The following ZNF503 variants were observed in gnomAD, a reference collection of about 807,000 sequenced individuals.
The protein encoded by ZNF503 is NocA-like zinc finger 2.
Under a neutral mutation model 34.4 loss-of-function variants are expected in ZNF503, and 15 were observed. The ratio of observed to expected loss-of-function variants is 0.44; its 90% CI spans 0.29 to 0.67. The LOEUF is 0.67. ZNF503 is among the 30% of genes least tolerant of loss of function. The probability of loss-of-function intolerance (pLI) is 0.13; values close to 1 mark genes in which losing one functional copy is unlikely to be tolerated. For missense variants in ZNF503, 1,007 were observed against 926.8 expected, an observed-to-expected ratio of 1.09 and a Z score of -1.12; for synonymous variants, 580 against 456.8, an observed-to-expected ratio of 1.27 and a Z score of -3.44.
the ZNF503 span, among the ~76,000 whole-genome samples, chr10:75,363,908 CA>C: frequency 6.6e-6 from 1 of 152,220 alleles, no homozygotes; most frequent in East Asian, 1.9e-4. Flanking sequence ...TTTCAGAAAC[CA>C]CCATTCATGC....
chr10:75,392,937 A>T (rs58283591), downstream of ZNF503, among the ~76,000 whole-genome samples: 6,065 of 152,284 alleles, frequency 0.04, 380 homozygotes, highest in African/African-American at 0.14. Flanking sequence ...CATAGATGAG[A>T]AAACTGAGGT....
At chr10:75,300,148 A>G in the ZNF503 span, among the ~76,000 whole-genome samples, 37,767 of 152,174 alleles carry the variant, frequency 0.25, 5,671 homozygotes, top group African/African-American at 0.42. Context: ...CCTCAGGGGC[A>G]CATTCTCTTT....
At chr10:75,287,917 G>A in the ZNF503 span, among the ~76,000 whole-genome samples, 52 of 152,334 alleles carry the variant, frequency 3.4e-4, no homozygotes, top group South Asian at 9.7e-3. Flanking sequence ...GTCCAGGATA[G>A]GGTACTGGGG....
chr10:75,347,125 C>T, the ZNF503 span, among the ~76,000 whole-genome samples: 3 of 152,158 alleles, frequency 2.0e-5, no homozygotes, highest in Admixed American at 6.5e-5. Context: ...ACATAAAATA[C>T]TTAGAGCAGG....
the ZNF503 span, among the ~76,000 whole-genome samples, chr10:75,357,253 T>C: frequency 0.39 from 58,688 of 151,726 alleles, 12,117 homozygotes; most frequent in African/African-American, 0.52. Context: ...CACAGTAGCT[T>C]ACACCTGTAA....
the ZNF503 span, among the ~76,000 whole-genome samples, chr10:75,330,705 T>G: frequency 6.6e-6 from 1 of 152,170 alleles, no homozygotes; most frequent in East Asian, 1.9e-4. Flanking sequence ...ACCTTTTTGA[T>G]TTTTGATTTT....
chr10:75,400,265 C>T lies in ZNF503; in HGVS notation c.425G>A (p.Gly142Asp). Reference sequence around the variant, plus strand: ...ACCGCCGCCGGCACCGCCCGCGCCGCCCCCGTTGGAGGCAACCGAGGAGAG... The same window carrying T: ...ACCGCCGCCGGCACCGCCCGCGCCGTCCCCGTTGGAGGCAACCGAGGAGAG... The part of the protein sequence containing the change: ...SKLSSVASNG[G>D]GAGGAGGGAA... Residue 142 changes from glycine to aspartate, a missense_variant, in exon 2 of 2, where the codon GGC becomes GAC. Coordinates refer to ENST00000372524, the MANE Select transcript of ZNF503 (RefSeq NM_032772.6). The T allele has an allele frequency of 6.2e-7, 1 of 1,613,186 alleles. No homozygotes were observed. The highest frequency in any genetic ancestry group is 8.5e-7 in the Non-Finnish European group (1 of 1,179,790).
chr10:75,360,421 C>T, the ZNF503 span, among the ~76,000 whole-genome samples: 7 of 152,232 alleles, frequency 4.6e-5, no homozygotes, highest in Admixed American at 2.0e-4. Flanking sequence ...CCACCGTGAC[C>T]GGCCTGGGGG....
In ZNF503 at chr10:75,401,528, G is replaced by A; in HGVS notation, c.-109C>T. 7.3e-7 allele frequency: 1 copy of A among 1,371,010 alleles called. No individual in the cohort carries two copies. The highest frequency in any genetic ancestry group is 9.7e-7 in the Non-Finnish European group (1 of 1,026,848). The allele number at this position is 1,371,010 out of a possible 1,614,324, so 84.9% of individuals were successfully genotyped here. On this transcript the variant is annotated 5_prime_UTR_variant, in exon 1 of 2. Coordinates refer to ENST00000372524, the MANE Select transcript of ZNF503 (RefSeq NM_032772.6). ...AGCAGGAGCAGCGGGAGGAGGAGGA[G>A]CTGGCGCGGCGGCCACGGGCGCCCA...
chr10:75,301,534 C>A, the ZNF503 span, among the ~76,000 whole-genome samples: 1 of 152,198 alleles, frequency 6.6e-6, no homozygotes, highest in Non-Finnish European at 1.5e-5. Context: ...AGCCACCATG[C>A]CCGGCCATTT....
the ZNF503 span, among the ~76,000 whole-genome samples, chr10:75,391,482 G>A: frequency 6.6e-6 from 1 of 152,180 alleles, no homozygotes; most frequent in African/African-American, 2.4e-5. Context: ...CCCCAAGCCT[G>A]GACTGCCCAC....
the ZNF503 span, among the ~76,000 whole-genome samples, chr10:75,379,116 C>A: frequency 6.6e-6 from 1 of 152,050 alleles, no homozygotes; most frequent in Admixed American, 6.6e-5. Flanking sequence ...GAAATATGGG[C>A]GGGTGACAGG....
the ZNF503 span, among the ~76,000 whole-genome samples, chr10:75,389,462 G>A: frequency 6.6e-6 from 1 of 152,172 alleles, no homozygotes. Context: ...AGGCGCAGTG[G>A]CTCATGTCTG....
chr10:75,378,580 A>T, the ZNF503 span, among the ~76,000 whole-genome samples: 1 of 152,064 alleles, frequency 6.6e-6, no homozygotes, highest in Non-Finnish European at 1.5e-5. Context: ...ATCCATCCTC[A>T]TCATTCAGAG....
In ZNF503 at chr10:75,399,044, T is replaced by C; in HGVS notation, c.1646A>G (p.Asp549Gly). The C allele has an allele frequency of 2.5e-6, 4 of 1,612,594 alleles. No homozygotes were observed. Among genetic ancestry groups the C allele is most frequent in the Non-Finnish European group, 3.4e-6 (4 of 1,179,796 alleles). ...LRTHTAFPGTDKLLSGYPSSS... is the reference protein window; with the variant it reads ...LRTHTAFPGTGKLLSGYPSSS... ...GCTGGGGTAGCCCGACAGCAGTTTG[T>C]CTGTCCCGGGAAATGCCGTATGGGT... The change falls in exon 2 of 2, where the codon GAC becomes GGC. Residue 549 changes from aspartate (D) to glycine (G), a missense_variant. Asp to Gly is a moderately conservative substitution (Grantham distance 94, BLOSUM62 -1). Transcript: ENST00000372524.
At chr10:75,300,850 C>T in the ZNF503 span, among the ~76,000 whole-genome samples, 8 of 151,754 alleles carry the variant, frequency 5.3e-5, no homozygotes, top group Admixed American at 3.9e-4. Flanking sequence ...GGACTACAGA[C>T]GTGTGCCACT....
the ZNF503 span, among the ~76,000 whole-genome samples, chr10:75,344,901 A>G: frequency 6.6e-6 from 1 of 152,204 alleles, no homozygotes; most frequent in Non-Finnish European, 1.5e-5. Context: ...CTGCCTCTCC[A>G]ATCATGTAGC....
At chr10:75,401,015 C>T (rs781151442) in intron 1 of ZNF503, 90 bp downstream of exon 1, 3 of 1,564,672 alleles carry the variant, frequency 1.9e-6, no homozygotes, top group Non-Finnish European at 2.6e-6. Context: ...CTCCGACCCC[C>T]CCACCTCCGC....
chr10:75,380,939 T>A, the ZNF503 span, among the ~76,000 whole-genome samples: 1 of 152,204 alleles, frequency 6.6e-6, no homozygotes, highest in Non-Finnish European at 1.5e-5. Flanking sequence ...AATTGCATCA[T>A]GGCATTCGCG....
Sources: gnomAD v4.1 joint callset for allele counts (sites outside exome capture counted in the v4.1 genomes callset) on GRCh38, gnomAD v4.1.1 for gene constraint, MANE v1.5 for transcripts, NCBI Gene and HGNC (gene_info 2026-07-23, HGNC 2026-07-21) for gene names.